The following RIT2 variants were observed in gnomAD, a reference collection of about 807,000 sequenced individuals.
The protein encoded by RIT2 is Ras like without CAAX 2.
A neutral mutation model predicts 23.7 loss-of-function variants in RIT2; 24 were observed. The ratio of observed to expected loss-of-function variants is 1.01; its 90% CI spans 0.73 to 1.43. The LOEUF (loss-of-function observed/expected upper bound fraction) is 1.43, where lower values mean the gene tolerates loss of function less well. Ranked by LOEUF, RIT2 falls within the 40% of genes most tolerant of loss-of-function variation. RIT2 has a pLI of 0.00. For missense variants in RIT2, 236 were observed against 266.9 expected (o/e 0.88, Z 0.81); for synonymous variants, 107 against 91.1 (o/e 1.17, Z -0.99).
intron 4 of RIT2, among the ~76,000 whole-genome samples, chr18:42,849,329 CT>C (rs1252212055): frequency 3.3e-5 from 5 of 152,162 alleles, no homozygotes; most frequent in African/African-American, 1.2e-4. Flanking sequence ...AATAGGAATA[CT>C]TTTTGATTTA....
At chr18:42,769,813 C>T (rs1483203988) in intron 4 of RIT2, among the ~76,000 whole-genome samples, 6 of 148,566 alleles carry the variant, frequency 4.0e-5, no homozygotes, top group African/African-American at 9.8e-5. Flanking sequence ...GTAACCAGCA[C>T]GTTGTGCACA....
intron 4 of RIT2, among the ~76,000 whole-genome samples, chr18:42,898,566 A>T (rs1908392886): frequency 6.6e-6 from 1 of 152,194 alleles, no homozygotes; most frequent in Non-Finnish European, 1.5e-5. Context: ...TTTGAGTGAC[A>T]AGCACTAAAA....
chr18:43,103,981 C>G (rs1480119481), intron 1 of RIT2, among the ~76,000 whole-genome samples: 1 of 152,066 alleles, frequency 6.6e-6, no homozygotes, highest in Non-Finnish European at 1.5e-5. Flanking sequence ...GATACCTACA[C>G]CCCCAAGTTT....
chr18:42,794,890 A>G (rs967196808), intron 4 of RIT2, among the ~76,000 whole-genome samples: 1 of 152,270 alleles, frequency 6.6e-6, no homozygotes, highest in Non-Finnish European at 1.5e-5. Context: ...TTGCCAGATA[A>G]GTTGACACTG....
intron 2 of RIT2, among the ~76,000 whole-genome samples, chr18:42,989,405 G>T (rs1910788012): frequency 6.6e-6 from 1 of 151,960 alleles, no homozygotes; most frequent in Non-Finnish European, 1.5e-5. Context: ...TACAATATGA[G>T]CCACATATGC....
rs1023676769 is a variant in RIT2 at position 43,075,938 on chromosome 18, T to C, written c.103+39479A>G. Among the ~76,000 whole-genome samples, 3 of 152,110 alleles carry C rather than the reference T, an allele frequency of 2.0e-5. No homozygotes were observed. The East Asian group carries it at 5.8e-4, about 29-fold the overall frequency. ...TTTCTGGCTTTAGTGAATAAAAGGG[T>C]ATTTGCGAGATCCTGCAATACTAAG... On this transcript the variant is annotated intron_variant, in intron 1 of 4. Transcript: ENST00000326695.
At chr18:43,075,789 A>C (rs1419655783) in intron 1 of RIT2, among the ~76,000 whole-genome samples, 2 of 152,188 alleles carry the variant, frequency 1.3e-5, no homozygotes, top group Non-Finnish European at 2.9e-5. Flanking sequence ...GAACCCTGTC[A>C]GTCTCATCAG....
chr18:43,044,318 T>C (rs1304776236), intron 1 of RIT2, among the ~76,000 whole-genome samples: 1 of 152,174 alleles, frequency 6.6e-6, no homozygotes, highest in Non-Finnish European at 1.5e-5. Flanking sequence ...ATTTCTACAA[T>C]GAAAGAAGTT....
At chr18:42,843,181 T>C (rs649056) in intron 4 of RIT2, among the ~76,000 whole-genome samples, 37,594 of 151,994 alleles carry the variant, frequency 0.25, 5,820 homozygotes, top group African/African-American at 0.42. Flanking sequence ...ATGAGTGCTA[T>C]AGTTAGAGTG....
intron 4 of RIT2, among the ~76,000 whole-genome samples, chr18:42,789,735 T>C (rs574094273): frequency 2.6e-5 from 4 of 152,194 alleles, no homozygotes; most frequent in Non-Finnish European, 5.9e-5. Context: ...ATGGAATCTT[T>C]AGGGTTTCCT....
chr18:42,813,515 T>C lies in RIT2; in HGVS notation c.427-69795A>G, dbSNP rs1000987294. Among the ~76,000 whole-genome samples, 11 of 152,166 alleles carry C rather than the reference T, an allele frequency of 7.2e-5. No homozygotes were observed. The East Asian group carries it at 7.7e-4, about 11-fold the overall frequency. On this transcript the variant is annotated intron_variant, in intron 4 of 4. Transcript: ENST00000326695. ...GGAAAATAATTCATGTCTAAACTTA[T>C]ATTTGTACATATTTTCAATATATCA...
intron 3 of RIT2, among the ~76,000 whole-genome samples, chr18:42,953,835 G>C (rs11877652): frequency 0.011 from 1,684 of 152,210 alleles, 31 homozygotes; most frequent in African/African-American, 0.038. Flanking sequence ...TAGAATAATA[G>C]TAGAGACCAG....
chr18:42,836,444 A>G lies in RIT2; in HGVS notation c.426+87128T>C, dbSNP rs904810022. ...AATAGTCAACATACTAGAAAGCAGC[A>G]TGAAAGCCTTGGACATTGAAGACCA... On this transcript the variant is annotated intron_variant, in intron 4 of 4. Transcript: ENST00000326695. 1.4e-4 allele frequency among the ~76,000 whole-genome samples: 22 copies of G among 152,344 alleles called. No individual in the cohort carries two copies. The East Asian group carries it at 3.7e-3, about 25-fold the overall frequency.
At chr18:42,831,811 T>C (rs559288738) in intron 4 of RIT2, among the ~76,000 whole-genome samples, 164 of 152,316 alleles carry the variant, frequency 1.1e-3, no homozygotes, top group Admixed American at 2.3e-3. Context: ...GTATCAAACA[T>C]ACATCTTCAT....
intron 3 of RIT2, among the ~76,000 whole-genome samples, chr18:42,963,283 T>C (rs920653468): frequency 6.6e-6 from 1 of 152,208 alleles, no homozygotes; most frequent in Non-Finnish European, 1.5e-5. Flanking sequence ...CTGCAATTGA[T>C]TGAAAATAGT....
chr18:42,933,366 C>T (rs1909374877), intron 3 of RIT2, among the ~76,000 whole-genome samples: 2 of 152,074 alleles, frequency 1.3e-5, no homozygotes, highest in Admixed American at 1.3e-4. Flanking sequence ...CCAAGTCAGT[C>T]AATATCTTTC....
intron 1 of RIT2, among the ~76,000 whole-genome samples, chr18:43,065,140 A>G (rs1301785916): frequency 6.6e-6 from 1 of 151,846 alleles, no homozygotes; most frequent in African/African-American, 2.4e-5. Context: ...TTAAATAGAT[A>G]AAGTTTAGTG....
chr18:42,915,170 AC>A (rs1908874395), intron 4 of RIT2, among the ~76,000 whole-genome samples: 1 of 151,710 alleles, frequency 6.6e-6, no homozygotes, highest in South Asian at 2.1e-4. Context: ...ACACACACAC[AC>A]ACACACACAC....
intron 4 of RIT2, among the ~76,000 whole-genome samples, chr18:42,809,947 T>G (rs577363474): frequency 4.2e-5 from 6 of 144,162 alleles, no homozygotes; most frequent in Non-Finnish European, 6.0e-5. Flanking sequence ...TAATATATGA[T>G]ATACATAATT....
Sources: gnomAD v4.1 joint callset for allele counts (sites outside exome capture counted in the v4.1 genomes callset) on GRCh38, gnomAD v4.1.1 for gene constraint, MANE v1.5 for transcripts, NCBI Gene and HGNC (gene_info 2026-07-23, HGNC 2026-07-21) for gene names.